Variants in LRP1B observed in about 807,000 individuals in gnomAD.
LRP1B encodes the protein LDL receptor related protein 1B, also known as low-density lipoprotein receptor-related protein 1B.
In LRP1B, 217 loss-of-function variants were observed where a neutral mutation model predicts 556.6. The ratio of observed to expected loss-of-function variants is 0.39; its 90% confidence interval spans 0.35 to 0.44. The LOEUF (loss-of-function observed/expected upper bound fraction) is 0.44. Among genes scored for constraint, LRP1B ranks in the 20% least tolerant of loss-of-function variants. The probability of loss-of-function intolerance (pLI) is 1.00; values close to 1 mark genes in which losing one functional copy is unlikely to be tolerated. For missense variants in LRP1B, 5,053 were observed against 5,620.8 expected (o/e 0.90, Z 3.23); for synonymous variants, 2,047 against 1,865.8 (o/e 1.10, Z -2.50).
chr2:141,952,677 G>T (rs1023140595), intron 1 of LRP1B, among the ~76,000 whole-genome samples: 9 of 152,088 alleles, frequency 5.9e-5, no homozygotes, highest in Non-Finnish European at 1.3e-4. Flanking sequence ...AAGCACAGTA[G>T]AGAATCCCAA....
intron 2 of LRP1B, among the ~76,000 whole-genome samples, chr2:141,689,309 G>A (rs1295625453): frequency 6.6e-6 from 1 of 151,712 alleles, no homozygotes; most frequent in Non-Finnish European, 1.5e-5. Context: ...CTAATAAGAG[G>A]CAGATTCAGG....
At chr2:141,133,373 T>C (rs1023710101) in intron 7 of LRP1B, among the ~76,000 whole-genome samples, 2 of 151,612 alleles carry the variant, frequency 1.3e-5, no homozygotes. Flanking sequence ...CAAAACTCTG[T>C]TAAGGGAATA....
Position 141,069,731 on chromosome 2 carries a change from T to C in LRP1B, c.1014-7458A>G, listed in dbSNP as rs1032940548. ...TGTGAGGCATCCCTCATTCTTAGGC[T>C]GTAATTGAAACTCTATAAACCCACC... is the stretch of plus-strand genomic sequence containing the variant. On this transcript the variant is annotated intron_variant, in intron 7 of 90. Coordinates refer to ENST00000389484, the MANE Select transcript of LRP1B (RefSeq NM_018557.3). 6.6e-5 allele frequency among the ~76,000 whole-genome samples: 10 copies of C among 152,090 alleles called. No homozygotes were observed. In the East Asian group the frequency reaches 1.9e-3, roughly 29 times the overall value.
At chr2:141,334,104 G>A (rs996340653) in intron 3 of LRP1B, among the ~76,000 whole-genome samples, 3 of 152,088 alleles carry the variant, frequency 2.0e-5, no homozygotes, top group Non-Finnish European at 4.4e-5. Context: ...TCTATCTGTA[G>A]CTTCTCTTTT....
intron 83 of LRP1B, among the ~76,000 whole-genome samples, chr2:140,306,137 G>A (rs1164848157): frequency 1.4e-5 from 2 of 145,040 alleles, no homozygotes; most frequent in South Asian, 2.2e-4. Context: ...GTCTCTGCCA[G>A]GCTTTGGTAT....
chr2:140,515,375 C>A (rs1021527870), intron 50 of LRP1B, among the ~76,000 whole-genome samples: 1 of 151,806 alleles, frequency 6.6e-6, no homozygotes, highest in Non-Finnish European at 1.5e-5. Flanking sequence ...TAGTGGCTGG[C>A]TTTTTTATTA....
intron 49 of LRP1B, among the ~76,000 whole-genome samples, chr2:140,521,882 G>C (rs1033009300): frequency 1.3e-5 from 2 of 151,892 alleles, no homozygotes; most frequent in African/African-American, 4.8e-5. Flanking sequence ...TCGTATATCA[G>C]ATATAATAGA....
chr2:140,252,074 A>AG (rs1681452506), intron 86 of LRP1B, among the ~76,000 whole-genome samples: 1 of 115,718 alleles, frequency 8.6e-6, no homozygotes, highest in Non-Finnish European at 1.9e-5. Flanking sequence ...AAAAAAAAAA[A>AG]AAAAAAAAAA....
At chr2:142,127,612 C>T (rs1022137548) in intron 1 of LRP1B, among the ~76,000 whole-genome samples, 1 of 151,946 alleles carries the variant, frequency 6.6e-6, no homozygotes, top group Non-Finnish European at 1.5e-5. Context: ...TTAGCAACCT[C>T]TTCAAAACAA....
chr2:140,723,396 G>A (rs1320336892), intron 35 of LRP1B, among the ~76,000 whole-genome samples: 2 of 152,066 alleles, frequency 1.3e-5, no homozygotes, highest in Admixed American at 6.6e-5. Context: ...AGTGCAACAT[G>A]GGCAAGGAAA....
chr2:141,695,379 T>A (rs1226643715), intron 2 of LRP1B, among the ~76,000 whole-genome samples: 1 of 152,002 alleles, frequency 6.6e-6, no homozygotes, highest in Non-Finnish European at 1.5e-5. Flanking sequence ...TGACCTACTT[T>A]AAAAGGGTCA....
At chr2:141,532,060 T>G (rs1016958734) in intron 2 of LRP1B, among the ~76,000 whole-genome samples, 1 of 152,138 alleles carries the variant, frequency 6.6e-6, no homozygotes, top group Non-Finnish European at 1.5e-5. Flanking sequence ...GAAGAATAAA[T>G]TCATAATGTT....
intron 43 of LRP1B, among the ~76,000 whole-genome samples, chr2:140,543,176 A>C (rs1445344261): frequency 2.0e-5 from 3 of 152,126 alleles, no homozygotes; most frequent in Non-Finnish European, 4.4e-5. Context: ...GAGAATATAA[A>C]AATGTATACC....
At chr2:140,931,346 T>G (rs958499007) in intron 20 of LRP1B, among the ~76,000 whole-genome samples, 1 of 152,138 alleles carries the variant, frequency 6.6e-6, no homozygotes, top group Non-Finnish European at 1.5e-5. Flanking sequence ...GGCTTTTGTG[T>G]TTTCCCTTTA....
At chr2:141,609,340 A>T (rs1338335972) in intron 2 of LRP1B, among the ~76,000 whole-genome samples, 2 of 152,184 alleles carry the variant, frequency 1.3e-5, no homozygotes, top group Admixed American at 6.5e-5. Context: ...CATGGCCTCT[A>T]AAGAAAATAA....
intron 56 of LRP1B, among the ~76,000 whole-genome samples, chr2:140,493,749 T>C (rs12692053): frequency 0.44 from 67,206 of 151,912 alleles, 15,150 homozygotes; most frequent in Middle Eastern, 0.61. Flanking sequence ...TTTGAAATCA[T>C]TATTTTTCTC....
chr2:141,849,566 A>T (rs1697774114), intron 1 of LRP1B, among the ~76,000 whole-genome samples: 1 of 151,484 alleles, frequency 6.6e-6, no homozygotes, highest in Admixed American at 6.6e-5. Context: ...ATAATTTAAA[A>T]CTCTTCTTGA....
At chr2:140,692,404 T>C (rs1321640007) in intron 41 of LRP1B, among the ~76,000 whole-genome samples, 3 of 152,146 alleles carry the variant, frequency 2.0e-5, no homozygotes, top group Non-Finnish European at 4.4e-5. Context: ...TGAAAGTATA[T>C]GAACCATTTC....
At chr2:142,119,252 T>C (rs1459403543) in intron 1 of LRP1B, among the ~76,000 whole-genome samples, 1 of 152,188 alleles carries the variant, frequency 6.6e-6, no homozygotes, top group Non-Finnish European at 1.5e-5. Context: ...TATACATTAC[T>C]TATAATGATC....
Sources: gnomAD v4.1 joint callset for allele counts (sites outside exome capture counted in the v4.1 genomes callset) on GRCh38, gnomAD v4.1.1 for gene constraint, MANE v1.5 for transcripts, NCBI Gene and HGNC (gene_info 2026-07-23, HGNC 2026-07-21) for gene names.